Variants in GRM5 observed in about 807,000 individuals in gnomAD.
GRM5 encodes the protein glutamate metabotropic receptor 5.
Under a neutral mutation model 83.1 loss-of-function variants are expected in GRM5, and 19 were observed. The observed-to-expected ratio is 0.23, with a 90% CI of 0.16 to 0.34. The LOEUF is 0.34. GRM5 is among the 10% of genes least tolerant of loss of function. The pLI is 1.00. For synonymous variants in GRM5, 675 were observed against 633.6 expected (o/e 1.07, Z -0.98); for missense variants, 1,160 against 1,588.3 (o/e 0.73, Z 4.58).
intron 9 of GRM5, among the ~76,000 whole-genome samples, chr11:88,524,241 A>T (rs1160544018): frequency 4.5e-5 from 3 of 66,922 alleles, no homozygotes; most frequent in African/African-American, 7.8e-5. Context: ...TTTTTGAGAC[A>T]GTTTTCACTC....
At chr11:88,864,562 A>G (rs1325789270) in intron 2 of GRM5, among the ~76,000 whole-genome samples, 1 of 151,976 alleles carries the variant, frequency 6.6e-6, no homozygotes, top group African/African-American at 2.4e-5. Flanking sequence ...TAGCATAAGG[A>G]GATTTTGGGC....
At chr11:88,905,495 T>A (rs1026631267) in intron 2 of GRM5, among the ~76,000 whole-genome samples, 1 of 151,944 alleles carries the variant, frequency 6.6e-6, no homozygotes, top group Non-Finnish European at 1.5e-5. Context: ...GTGCCCATCA[T>A]TACACCTGGC....
intron 3 of GRM5, among the ~76,000 whole-genome samples, chr11:88,654,520 T>C (rs1050376939): frequency 6.6e-6 from 1 of 151,876 alleles, no homozygotes; most frequent in African/African-American, 2.4e-5. Context: ...TTTGACTAAA[T>C]TACAAGTAAC....
chr11:88,778,637 G>A (rs1033057985), intron 3 of GRM5, among the ~76,000 whole-genome samples: 29 of 152,156 alleles, frequency 1.9e-4, no homozygotes, highest in African/African-American at 6.5e-4. Flanking sequence ...TTAAAACTAT[G>A]AATTGGCTTA....
chr11:88,665,516 C>A (rs1430495347), intron 3 of GRM5, among the ~76,000 whole-genome samples: 1 of 151,942 alleles, frequency 6.6e-6, no homozygotes, highest in Non-Finnish European at 1.5e-5. Context: ...ATATAGTTTC[C>A]AAATAAAACG....
chr11:88,887,447 T>C (rs1415358078), intron 2 of GRM5, among the ~76,000 whole-genome samples: 1 of 151,902 alleles, frequency 6.6e-6, no homozygotes, highest in East Asian at 1.9e-4. Context: ...GCCAGACAGG[T>C]CACACAAGTC....
intron 2 of GRM5, among the ~76,000 whole-genome samples, chr11:89,011,424 G>A (rs911055980): frequency 4.6e-5 from 7 of 152,234 alleles, no homozygotes; most frequent in East Asian, 3.9e-4. Flanking sequence ...TAAGGGAGAC[G>A]ACATCTTCAT....
intron 4 of GRM5, among the ~76,000 whole-genome samples, chr11:88,633,447 G>T (rs7484264): frequency 0.75 from 114,545 of 152,092 alleles, 48,367 homozygotes; most frequent in Non-Finnish European, 0.96. Flanking sequence ...TCATGAATGG[G>T]TTTTCATGTT....
intron 3 of GRM5, among the ~76,000 whole-genome samples, chr11:88,797,907 T>A (rs888650951): frequency 6.6e-6 from 1 of 152,038 alleles, no homozygotes; most frequent in Non-Finnish European, 1.5e-5. Context: ...GTTGGGGAGC[T>A]AAGAATAAAC....
At chr11:88,942,141 TATA>T (rs1938135925) in intron 2 of GRM5, among the ~76,000 whole-genome samples, 1 of 152,098 alleles carries the variant, frequency 6.6e-6, no homozygotes, top group East Asian at 1.9e-4. Context: ...ATGGCCTGTG[TATA>T]ATGATAGTAA....
At chr11:88,882,560 CAA>C (rs35899523) in intron 2 of GRM5, among the ~76,000 whole-genome samples, 14 of 123,142 alleles carry the variant, frequency 1.1e-4, no homozygotes, top group African/African-American at 9.5e-5. Flanking sequence ...GACTCTGTCT[CAA>C]AAAAAAAAAA....
chr11:88,674,700 T>G (rs1482608322), intron 3 of GRM5, among the ~76,000 whole-genome samples: 1 of 151,918 alleles, frequency 6.6e-6, no homozygotes, highest in Non-Finnish European at 1.5e-5. Flanking sequence ...ATTGACTCAG[T>G]GTCTTGGGAA....
At chr11:88,735,809 T>C (rs888270598) in intron 3 of GRM5, among the ~76,000 whole-genome samples, 1 of 152,048 alleles carries the variant, frequency 6.6e-6, no homozygotes, top group African/African-American at 2.4e-5. Context: ...AATACTGTCC[T>C]TCACACTACT....
At position 88,658,035 on chromosome 11, in the gene GRM5, T is replaced by C. The variant is rs1019895525; in HGVS notation, c.912-4632A>G. ...CAGACCAGTACCTGTCCGTGTCCTG[T>C]TCGGAACCTGGCTGCACAGCAGGAG... On this transcript the variant is annotated intron_variant, in intron 3 of 9. Transcript: ENST00000305447. 6.6e-5 allele frequency among the ~76,000 whole-genome samples: 10 copies of C among 152,220 alleles called. No homozygotes were observed. In the East Asian group the frequency reaches 1.9e-3, roughly 29 times the overall value.
intron 8 of GRM5, among the ~76,000 whole-genome samples, chr11:88,543,058 A>G (rs1942305480): frequency 6.6e-6 from 1 of 152,132 alleles, no homozygotes; most frequent in Non-Finnish European, 1.5e-5. Context: ...ACAGAACAAG[A>G]CTTCATTTCA....
At chr11:88,739,624 G>C (rs779023041) in intron 3 of GRM5, among the ~76,000 whole-genome samples, 1 of 152,006 alleles carries the variant, frequency 6.6e-6, no homozygotes. Context: ...TGTTGTTCTC[G>C]TGATCACGAG....
chr11:88,586,778 G>T (rs1471843839), intron 7 of GRM5, among the ~76,000 whole-genome samples: 1 of 152,030 alleles, frequency 6.6e-6, no homozygotes, highest in Non-Finnish European at 1.5e-5. Flanking sequence ...GGCATTTCTA[G>T]GTTTGGCATT....
At chr11:88,584,941 T>C (rs953281465) in intron 7 of GRM5, among the ~76,000 whole-genome samples, 4 of 152,176 alleles carry the variant, frequency 2.6e-5, no homozygotes, top group Non-Finnish European at 2.9e-5. Context: ...CTTTGGCATA[T>C]TGAATTTTTT....
intron 2 of GRM5, among the ~76,000 whole-genome samples, chr11:88,956,415 G>A (rs1938615026): frequency 6.6e-6 from 1 of 152,196 alleles, no homozygotes; most frequent in African/African-American, 2.4e-5. Flanking sequence ...TCATACGCTA[G>A]GCACTCTGCT....
Sources: gnomAD v4.1 joint callset for allele counts (sites outside exome capture counted in the v4.1 genomes callset) on GRCh38, gnomAD v4.1.1 for gene constraint, MANE v1.5 for transcripts, NCBI Gene and HGNC (gene_info 2026-07-23, HGNC 2026-07-21) for gene names.